COPS7A: variants seen among roughly 807,000 people sequenced by gnomAD.
COPS7A encodes COP9 signalosome subunit 7A.
A neutral mutation model predicts 35.2 loss-of-function variants in COPS7A; 20 were observed. That is an observed-to-expected ratio of 0.57 (90% confidence interval 0.40 to 0.83). The LOEUF is 0.83. Ranked by LOEUF, COPS7A falls within the 40% of genes least tolerant of loss-of-function variation. The pLI is 0.00. For synonymous variants in COPS7A, 139 were observed against 141.4 expected (o/e 0.98, Z 0.12); for missense variants, 247 against 347.5 (o/e 0.71, Z 2.30).
intron 1 of COPS7A, 46 bp downstream of exon 1, chr12:6,724,225 C>A: frequency 3.3e-6 from 1 of 305,062 alleles, no homozygotes; most frequent in South Asian, 2.4e-5. Context: ...TGGGCGGTGT[C>A]TTTAAGGGAG....
chr12:6,724,375 T>C, intron 1 of COPS7A, 196 bp downstream of exon 1: 1 of 482,964 alleles, frequency 2.1e-6, no homozygotes, highest in Admixed American at 3.0e-5. Flanking sequence ...TCCTGTGTCT[T>C]GGGGTTCAAT....
Position 6,731,047 on chromosome 12 carries a change from G to A in COPS7A, c.*8G>A, listed in dbSNP as rs757926052. On this transcript the variant is annotated 3_prime_UTR_variant, in exon 8 of 8. Coordinates refer to ENST00000543155, the MANE Select transcript of COPS7A (RefSeq NM_001164094.2). ...TGGTCCAAGTCGAATTGAAAGGACT[G>A]TCGTTTCCTCCCTGGGGATGTGGGG... 3 of 1,613,938 alleles carry A rather than the reference G, an allele frequency of 1.9e-6. No individual in the cohort carries two copies. Among genetic ancestry groups the A allele is most frequent in the Middle Eastern group, 1.6e-4 (1 of 6,084 alleles).
Position 6,730,729 on chromosome 12 carries a change from C to T in COPS7A, c.697C>T (p.Gln233Ter), listed in dbSNP as rs1474575342. 1 of 1,614,194 alleles carries T rather than the reference C, an allele frequency of 6.2e-7. No individual in the cohort carries two copies. The highest frequency in any genetic ancestry group is 8.5e-7 in the Non-Finnish European group (1 of 1,180,032). Residue 233 changes from glutamine (Q) to a stop codon, truncating the protein, a stop_gained, in exon 7 of 8, where the codon CAG becomes TAG. Transcript: ENST00000543155. LOFTEE classifies it high-confidence loss of function. ...TTAAAAAATS[Q>*]DPEQHLTELR... ...GGCAGCAGCAGCCGCAGCCACATCTCAGGACCCTGAGCAACACCTGACTGA... is the reference window on the plus strand; with the variant it reads ...GGCAGCAGCAGCCGCAGCCACATCTTAGGACCCTGAGCAACACCTGACTGA...
At chr12:6,730,560 G>A (rs1248396031) in intron 6 of COPS7A, 53 bp downstream of exon 6, 4 of 1,612,100 alleles carry the variant, frequency 2.5e-6, no homozygotes, top group Non-Finnish European at 3.4e-6. Context: ...TGGGCGACTT[G>A]TCCTTTGCAG....
intron 3 of COPS7A, 107 bp downstream of exon 3, chr12:6,728,108 A>T (rs1941302578): frequency 6.8e-7 from 1 of 1,461,728 alleles, no homozygotes; most frequent in Admixed American, 1.7e-5. Flanking sequence ...CCCTGGATGC[A>T]TAGGGTCAGG....
rs373980184 is a variant in COPS7A, at chr12:6,727,916, A to G, written c.163-10A>G. The G allele has an allele frequency of 3.1e-6, 5 of 1,614,066 alleles. No homozygotes were observed. The Middle Eastern group carries it at 6.6e-4, about 213-fold the overall frequency. On this transcript the variant is annotated splice_polypyrimidine_tract_variant and intron_variant, in intron 2 of 7. Coordinates refer to ENST00000543155, the MANE Select transcript of COPS7A (RefSeq NM_001164094.2). ...ACTTCCCGTCACCTCCTTTTTCCTCATTCTCGCAGCTGGCTGAGAGTGACT... is the reference window on the plus strand; with the variant it reads ...ACTTCCCGTCACCTCCTTTTTCCTCGTTCTCGCAGCTGGCTGAGAGTGACT...
rs752566612 is a variant in COPS7A at position 6,729,107 on chromosome 12, C to A, written c.328-140C>A. The A allele has an allele frequency of 1.5e-5, 11 of 738,092 alleles. No individual in the cohort carries two copies. Among genetic ancestry groups the A allele is most frequent in the Non-Finnish European group, 2.5e-5 (11 of 437,284 alleles). The allele number at this position is 738,092 out of a possible 1,614,324, so 45.7% of individuals were successfully genotyped here. On this transcript the variant is annotated intron_variant, in intron 4 of 7. Transcript: ENST00000543155. The surrounding 1 kb of genome is among the most constrained non-coding windows in gnomAD (Gnocchi z 4.2). Reference sequence around the variant, plus strand: ...TACTTTTATTTATTTTGCTTTAGAACCAGCCTCTTAGAGGAAGTGATTTAG... The same window carrying A: ...TACTTTTATTTATTTTGCTTTAGAAACAGCCTCTTAGAGGAAGTGATTTAG...
At chr12:6,726,169 C>T (rs959868133) in intron 2 of COPS7A, among the ~76,000 whole-genome samples, 13 of 151,898 alleles carry the variant, frequency 8.6e-5, no homozygotes, top group African/African-American at 3.1e-4. Context: ...AAAAAATTAG[C>T]CGGGTGTGGT....
chr12:6,724,814 G>A lies in COPS7A; in HGVS notation c.158G>A (p.Arg53Lys). The change falls in exon 2 of 8, where the codon AGA becomes AAA. Residue 53 changes from arginine (R) to lysine (K), a missense_variant. Transcript: ENST00000543155. ...GAACTGCTGGACATGCCCAATGTTA[G>A]AGAGGTGGGTTGCTGGCTTGAATAG... ...FGELLDMPNV[R>K]ELAESDFAST... 1 of 1,614,182 alleles carries A rather than the reference G, an allele frequency of 6.2e-7. No individual in the cohort carries two copies.
At chr12:6,727,205 T>C (rs1267909505) in intron 2 of COPS7A, among the ~76,000 whole-genome samples, 1 of 151,940 alleles carries the variant, frequency 6.6e-6, no homozygotes, top group Admixed American at 6.6e-5. Flanking sequence ...GGTGTGGTGG[T>C]GCACGCCTGT....
At chr12:6,725,325 T>G (rs554968172) in intron 2 of COPS7A, among the ~76,000 whole-genome samples, 1 of 152,026 alleles carries the variant, frequency 6.6e-6, no homozygotes, top group African/African-American at 2.4e-5. Context: ...CCCGGCTAAC[T>G]TTTTTGTATT....
chr12:6,728,202 C>T (rs749977841), intron 3 of COPS7A, 21 bp from the exon 4 acceptor site: 21 of 1,610,114 alleles, frequency 1.3e-5, no homozygotes, highest in Non-Finnish European at 1.7e-5. Context: ...GGATTCCTTA[C>T]ACTTTGTCGT....
In COPS7A at chr12:6,730,517, C is replaced by G. The variant is rs758548997; in HGVS notation, c.636+10C>G. 1.2e-6 allele frequency: 2 copies of G among 1,613,710 alleles called. No individual in the cohort carries two copies. Among genetic ancestry groups the G allele is most frequent in the Admixed American group, 1.7e-5 (1 of 59,986 alleles). On this transcript the variant is annotated intron_variant, in intron 6 of 7. Transcript: ENST00000543155. ...GCAGATTGAGAGTGAGGTGAGCAGT[C>G]AGGGGAGCAGGCAGACCCAAACTCC...
intron 4 of COPS7A, 26 bp downstream of exon 4, chr12:6,728,337 G>C (rs200503539): frequency 6.3e-7 from 1 of 1,592,844 alleles, no homozygotes; most frequent in South Asian, 1.1e-5. Flanking sequence ...CCAGTCCTAC[G>C]GTCTAGAGCA....
rs369439337 is a variant in COPS7A at position 6,728,210 on chromosome 12, C to T, written c.239-13C>T. The T allele has an allele frequency of 8.9e-5, 144 of 1,612,326 alleles. 1 individual carries two copies. The highest frequency in any genetic ancestry group is 1.0e-4 in the Non-Finnish European group (121 of 1,178,674). ...GAAATCAGGATTCCTTACACTTTGT[C>T]GTTTTTCCCTAGCTGAAGCCCGGAA... On this transcript the variant is annotated splice_polypyrimidine_tract_variant and intron_variant, in intron 3 of 7. Transcript: ENST00000543155.
At chr12:6,728,386 C>T in intron 4 of COPS7A, 75 bp downstream of exon 4, 1 of 1,309,648 alleles carries the variant, frequency 7.6e-7, no homozygotes, top group Non-Finnish European at 1.1e-6. Flanking sequence ...CTAGGACAGC[C>T]CTTGTCTAGA....
rs1941189249 is a variant in COPS7A, at chr12:6,724,186, C to G, written c.-44+7C>G. On this transcript the variant is annotated splice_region_variant and intron_variant, in intron 1 of 7. Transcript: ENST00000543155. ...CCGCAGAGCCTGACCCAGGGTACGACGAAGCAGTCGGCGGGAGCCCACGGT... is the reference window on the plus strand; with the variant it reads ...CCGCAGAGCCTGACCCAGGGTACGAGGAAGCAGTCGGCGGGAGCCCACGGT... The G allele has an allele frequency of 3.5e-6, 1 of 282,604 alleles. No homozygotes were observed. The highest frequency in any genetic ancestry group is 2.3e-5 in the African/African-American group (1 of 43,150). 17.5% of individuals were successfully genotyped at this position (282,604 alleles called of 1,614,324 possible).
Position 6,731,220 on chromosome 12 carries a change from G to A in COPS7A, c.*181G>A. 3 of 1,478,964 alleles carry A rather than the reference G, an allele frequency of 2.0e-6. No homozygotes were observed. The highest frequency in any genetic ancestry group is 2.7e-6 in the Non-Finnish European group (3 of 1,114,738). 91.6% of individuals were successfully genotyped at this position (1,478,964 alleles called of 1,614,324 possible). On this transcript the variant is annotated 3_prime_UTR_variant, in exon 8 of 8. Transcript: ENST00000543155. ...TAGGGAGGAGGCAAATGTAGGTCAT[G>A]TTTTTGTTGGTACTTTCTGTTTTTT...
In COPS7A at chr12:6,729,255, A is replaced by G. The variant is rs769821446; in HGVS notation, c.336A>G (p.Pro112=). The change falls in exon 5 of 8, where the codon CCA becomes CCG. Residue 112 remains proline (P), a synonymous_variant. Coordinates refer to ENST00000543155, the MANE Select transcript of COPS7A (RefSeq NM_001164094.2). This position sits in a 1 kb window ranked among gnomAD's most constrained non-coding sequence, Gnocchi z 4.2. ...GATCTCCGCGGCCCCAGTGTATCCC[A>G]TATGCAGTGTTGCTGGAGGCTCTTG... The part of the protein sequence containing the change: ...VTLAAKVKCI[P]YAVLLEALAL... 11 of 1,614,074 alleles carry G rather than the reference A, an allele frequency of 6.8e-6. No homozygotes were observed. Among genetic ancestry groups the G allele is most frequent in the Non-Finnish European group, 9.3e-6 (11 of 1,180,024 alleles).
Sources: allele counts gnomAD v4.1 joint callset (sites outside exome capture counted in the v4.1 genomes callset), GRCh38; gene constraint gnomAD v4.1.1; non-coding constraint Gnocchi (gnomAD v3.1); transcripts MANE v1.5; gene names NCBI Gene and HGNC (gene_info 2026-07-23, HGNC 2026-07-21).